Variants in CR1 observed in about 807,000 individuals in gnomAD.
CR1 encodes complement C3b/C4b receptor 1 (Knops blood group), also known as complement receptor type 1.
A neutral mutation model predicts 187.3 loss-of-function variants in CR1; 116 were observed. The ratio of observed to expected loss-of-function variants is 0.62; its 90% CI spans 0.53 to 0.72. The LOEUF is 0.72. Among genes scored for constraint, CR1 ranks in the 30% least tolerant of loss-of-function variants. CR1 has a pLI of 0.00. For missense variants in CR1, 1,731 were observed against 2,110.7 expected, an observed-to-expected ratio of 0.82 and a Z score of 3.52; for synonymous variants, 576 against 747.1, an observed-to-expected ratio of 0.77 and a Z score of 3.73.
At chr1:207,580,485 T>A (rs1020308828) in intron 30 of CR1, 26 bp from the exon 31 acceptor site, 1 of 1,592,186 alleles carries the variant, frequency 6.3e-7, no homozygotes, top group African/African-American at 1.4e-5. Context: ...TCCTATTTTT[T>A]CTTTTTTTTT....
At chr1:207,505,852 AG>A in intron 1 of CR1, 51 bp from the exon 2 acceptor site, 1 of 1,553,216 alleles carries the variant, frequency 6.4e-7, no homozygotes, top group Non-Finnish European at 8.7e-7. Context: ...GAAAAAAAAA[AG>A]TATGGTAATT....
chr1:207,619,051 A>AG (rs1553301636), intron 42 of CR1, among the ~76,000 whole-genome samples: 228 of 50,440 alleles, frequency 4.5e-3, no homozygotes, highest in African/African-American at 8.0e-3. Context: ...AAAAAAAAAA[A>AG]AAAAGAAAAG....
At chr1:207,583,553 T>A (rs1372699160) in intron 32 of CR1, among the ~76,000 whole-genome samples, 1 of 152,248 alleles carries the variant, frequency 6.6e-6, no homozygotes, top group African/African-American at 2.4e-5. Flanking sequence ...CTATGTCCCA[T>A]CTATCCATTT....
At chr1:207,506,868 C>T in intron 3 of CR1, 55 bp downstream of exon 3, 1 of 1,385,896 alleles carries the variant, frequency 7.2e-7, no homozygotes, top group South Asian at 1.2e-5. Flanking sequence ...CTAACACAGC[C>T]TTACTACCTT....
At chr1:207,523,109 T>G (rs1660048578) in intron 4 of CR1, among the ~76,000 whole-genome samples, 2 of 152,306 alleles carry the variant, frequency 1.3e-5, no homozygotes, top group Admixed American at 1.3e-4. Context: ...TTCAAAATAT[T>G]TAACCCCCTG....
intron 35 of CR1, among the ~76,000 whole-genome samples, chr1:207,590,644 C>A (rs552350164): frequency 1.3e-5 from 2 of 152,188 alleles, no homozygotes; most frequent in South Asian, 4.2e-4. Context: ...CTAAATGCCC[C>A]CAGTTAAAAG....
chr1:207,590,060 C>T (rs1229485976), intron 35 of CR1, among the ~76,000 whole-genome samples: 5 of 152,114 alleles, frequency 3.3e-5, no homozygotes, highest in Admixed American at 6.5e-5. Context: ...GGAGAACTGC[C>T]CCAACCTAGC....
intron 35 of CR1, among the ~76,000 whole-genome samples, chr1:207,599,180 G>T (rs1661535497): frequency 6.6e-6 from 1 of 152,158 alleles, no homozygotes; most frequent in East Asian, 1.9e-4. Context: ...AATGAGGAAA[G>T]AATATGCACA....
intron 45 of CR1, among the ~76,000 whole-genome samples, chr1:207,624,820 T>C (rs1662431480): frequency 6.6e-6 from 1 of 152,216 alleles, no homozygotes; most frequent in African/African-American, 2.4e-5. Context: ...AGTGAGTTAA[T>C]TTTTTAAAAA....
chr1:207,575,071 C>T (rs1345742609), intron 27 of CR1, among the ~76,000 whole-genome samples: 1 of 152,066 alleles, frequency 6.6e-6, no homozygotes, highest in Non-Finnish European at 1.5e-5. Context: ...GAAAGCAAAT[C>T]AAATGTATCA....
At chr1:207,593,870 C>A (rs889307971) in intron 35 of CR1, among the ~76,000 whole-genome samples, 11 of 152,186 alleles carry the variant, frequency 7.2e-5, no homozygotes, top group African/African-American at 2.7e-4. Context: ...CATCACTGGT[C>A]ATTAGAGAAA....
intron 30 of CR1, 32 bp from the exon 31 acceptor site, chr1:207,580,479 A>AT (rs1212520193): frequency 6.3e-7 from 1 of 1,579,492 alleles, no homozygotes; most frequent in Non-Finnish European, 8.6e-7. Context: ...TCTTACTCCT[A>AT]TTTTTTCTTT....
chr1:207,636,990 A>G (rs1002809744), intron 46 of CR1, among the ~76,000 whole-genome samples: 2 of 152,242 alleles, frequency 1.3e-5, no homozygotes, highest in African/African-American at 2.4e-5. Context: ...AGGTTTGGAA[A>G]GGAACTGTTA....
At chr1:207,565,093 T>G (rs752286344) in intron 23 of CR1, among the ~76,000 whole-genome samples, 1 of 149,942 alleles carries the variant, frequency 6.7e-6, no homozygotes, top group African/African-American at 2.5e-5. Flanking sequence ...ACCTTGTTTA[T>G]GTCCATCTAG....
chr1:207,504,141 G>A (rs7536931), intron 1 of CR1, among the ~76,000 whole-genome samples: 67,734 of 152,006 alleles, frequency 0.45, 15,899 homozygotes, highest in South Asian at 0.65. Context: ...ATTGACAGCT[G>A]TCAGGTTTGG....
At position 207,607,237 on chromosome 1, in the gene CR1, A is replaced by G. The variant is rs2102380743; in HGVS notation, c.5811-14A>G. 2 of 1,601,788 alleles carry G rather than the reference A, an allele frequency of 1.2e-6. No homozygotes were observed. Among genetic ancestry groups the G allele is most frequent in the Non-Finnish European group, 1.7e-6 (2 of 1,168,894 alleles). ...TATGTGTAGCGTATAACCATTTTCT[A>G]TCCTTTGCTTTAGGTTTCGACTCAT... On this transcript the variant is annotated splice_polypyrimidine_tract_variant and intron_variant, in intron 35 of 46. Coordinates refer to ENST00000367049, the MANE Select transcript of CR1 (RefSeq NM_000651.6).
chr1:207,584,657 T>C lies in CR1; in HGVS notation c.5311T>C (p.Cys1771Arg). The C allele has an allele frequency of 1.2e-6, 2 of 1,613,494 alleles. No homozygotes were observed. Among genetic ancestry groups the C allele is most frequent in the Middle Eastern group, 3.3e-4 (2 of 6,048 alleles). ...NSVPVCEHIFCPNPPAILNGR... is the reference protein window; with the variant it reads ...NSVPVCEHIFRPNPPAILNGR... ...TCTTGTTTTCTTTCTAGATATCTTT[T>C]GTCCAAATCCTCCAGCTATCCTTAA... Residue 1771 changes from cysteine to arginine, a missense_variant, in exon 33 of 47, where the codon TGT (cysteine) becomes CGT (arginine). Physicochemically the swap from Cys to Arg is radical, Grantham distance 180 (BLOSUM62 -3). Transcript: ENST00000367049.
intron 46 of CR1, among the ~76,000 whole-genome samples, chr1:207,637,245 A>G (rs926404193): frequency 1.3e-5 from 2 of 152,220 alleles, no homozygotes; most frequent in East Asian, 3.8e-4. Context: ...TTAAGTCGCT[A>G]TCAACAGCTA....
chr1:207,616,743 C>G lies in CR1; in HGVS notation c.6830C>G (p.Pro2277Arg), dbSNP rs3811381. The part of the protein sequence containing the change: ...GESSIRCTSD[P>R]QGNGVWSSPA... ...AGCTCCATCCGCTGCACAAGTGACC[C>G]TCAAGGGAATGGGGTTTGGAGCAGC... Residue 2277 changes from proline (P) to arginine (R), a missense_variant, in exon 41 of 47, where the codon CCT becomes CGT. Around this residue, in one of 5 missense-constraint regions of CR1, gnomAD observed 1,312 missense variants for 1,379.6 expected, o/e 0.95. Coordinates refer to ENST00000367049, the MANE Select transcript of CR1 (RefSeq NM_000651.6). 313,529 of 1,613,748 alleles carry G rather than the reference C, an allele frequency of 0.19. 34,455 individuals are homozygous for G. Among genetic ancestry groups the G allele is most frequent in the South Asian group, 0.41 (37,763 of 91,058 alleles).
Sources: gnomAD v4.1 joint callset for allele counts (sites outside exome capture counted in the v4.1 genomes callset) on GRCh38, gnomAD v4.1.1 for gene constraint, gnomAD v4.1.1 regional missense constraint, MANE v1.5 for transcripts, NCBI Gene and HGNC (gene_info 2026-07-23, HGNC 2026-07-21) for gene names.